GABBR2: variants seen among roughly 807,000 people sequenced by gnomAD.
GABBR2 encodes the protein gamma-aminobutyric acid type B receptor subunit 2, also known as G-protein coupled receptor 51.
Under a neutral mutation model 105.6 loss-of-function variants are expected in GABBR2, and 23 were observed. That is an observed-to-expected ratio of 0.22 (90% CI 0.16 to 0.31). GABBR2 has a LOEUF of 0.31. GABBR2 is among the 10% of genes least tolerant of loss of function. The probability of loss-of-function intolerance (pLI) is 1.00; values close to 1 mark genes in which losing one functional copy is unlikely to be tolerated. For synonymous variants in GABBR2, 478 were observed against 499.7 expected (o/e 0.96, Z 0.58); for missense variants, 734 against 1,245.5 (o/e 0.59, Z 6.18).
At chr9:98,515,112 C>T (rs370761307) in intron 3 of GABBR2, among the ~76,000 whole-genome samples, 181 of 152,266 alleles carry the variant, frequency 1.2e-3, no homozygotes, top group African/African-American at 4.0e-3. Context: ...GAGCTCCCCG[C>T]CATGACAGGT....
intron 4 of GABBR2, among the ~76,000 whole-genome samples, chr9:98,483,989 C>T (rs766791206): frequency 2.6e-5 from 4 of 152,172 alleles, no homozygotes; most frequent in Non-Finnish European, 5.9e-5. Flanking sequence ...GTGAATTAAT[C>T]CAGTGTGCAG....
intron 3 of GABBR2, among the ~76,000 whole-genome samples, chr9:98,512,956 T>C (rs1396794759): frequency 6.6e-6 from 1 of 151,826 alleles, no homozygotes; most frequent in East Asian, 1.9e-4. Flanking sequence ...AAGTCAATCC[T>C]AAGCCAAAAG....
At chr9:98,417,862 G>A (rs1218827775) in intron 7 of GABBR2, among the ~76,000 whole-genome samples, 1 of 152,158 alleles carries the variant, frequency 6.6e-6, no homozygotes, top group African/African-American at 2.4e-5. Context: ...GAATGACCAT[G>A]TTACCCAGGC....
chr9:98,562,843 G>C (rs28458297), intron 2 of GABBR2, among the ~76,000 whole-genome samples: 10,774 of 152,058 alleles, frequency 0.071, 779 homozygotes, highest in African/African-American at 0.18. Context: ...GCCTAGGTGA[G>C]AGGATCACTT....
chr9:98,566,251 AC>A (rs1334102286), intron 2 of GABBR2, among the ~76,000 whole-genome samples: 1 of 152,118 alleles, frequency 6.6e-6, no homozygotes, highest in East Asian at 1.9e-4. Flanking sequence ...TTTGTATTTT[AC>A]CAAGTTTCCA....
At position 98,385,707 on chromosome 9, in the gene GABBR2, G is replaced by T; in HGVS notation, c.1595C>A (p.Ala532Asp). 6.2e-7 allele frequency: 1 copy of T among 1,605,604 alleles called. No individual in the cohort carries two copies. The highest frequency in any genetic ancestry group is 8.5e-7 in the Non-Finnish European group (1 of 1,172,188). ...ATCAAGGCCAAAGAGAAATATGGAA[G>T]CATAGGAGAGCATCCCTCCAAGGAT... ...LIILGGMLSY[A>D]SIFLFGLDGS... The change falls in exon 11 of 19, where the codon GCT becomes GAT. Residue 532 changes from alanine to aspartate, a missense_variant. Physicochemically the swap from Ala to Asp is moderately radical, Grantham distance 126. Around this residue, in one of 7 missense-constraint regions of GABBR2, gnomAD observed 370 missense variants for 648.9 expected, o/e 0.57. Coordinates refer to ENST00000259455, the MANE Select transcript of GABBR2 (RefSeq NM_005458.8).
At chr9:98,505,719 G>C (rs571172903) in intron 3 of GABBR2, among the ~76,000 whole-genome samples, 1 of 152,282 alleles carries the variant, frequency 6.6e-6, no homozygotes, top group South Asian at 2.1e-4. Context: ...TCCACGTGAA[G>C]ACAGAGGCAG....
intron 1 of GABBR2, among the ~76,000 whole-genome samples, chr9:98,582,371 T>C (rs1240884813): frequency 6.6e-6 from 1 of 152,218 alleles, no homozygotes; most frequent in Non-Finnish European, 1.5e-5. Context: ...AACTGAACTC[T>C]GCCAATAACC....
At chr9:98,692,671 A>G (rs966389256) in intron 1 of GABBR2, among the ~76,000 whole-genome samples, 9 of 152,228 alleles carry the variant, frequency 5.9e-5, no homozygotes, top group African/African-American at 2.2e-4. Flanking sequence ...AGTCGGGCCA[A>G]CTTAGACTCG....
At position 98,344,548 on chromosome 9, in the gene GABBR2, GA is replaced by G. The variant is rs531859105; in HGVS notation, c.1893+18166del. Among the ~76,000 whole-genome samples, 1,344 of 152,198 alleles carry G rather than the reference GA, an allele frequency of 8.8e-3. 20 individuals are homozygous for G. The highest frequency in any genetic ancestry group is 0.01 in the Middle Eastern group (3 of 294). On this transcript the variant is annotated intron_variant, in intron 13 of 18. Coordinates refer to ENST00000259455, the MANE Select transcript of GABBR2 (RefSeq NM_005458.8). ...CCTCAGTCTGGGGCATTTGTCTCTG[GA>G]GCCCTCACTCTCCCTTTTCAAATTC...
At chr9:98,643,165 A>G (rs1829988925) in intron 1 of GABBR2, among the ~76,000 whole-genome samples, 1 of 152,300 alleles carries the variant, frequency 6.6e-6, no homozygotes, top group African/African-American at 2.4e-5. Flanking sequence ...CCCACTGGGC[A>G]CTCGGAGGGG....
chr9:98,427,650 C>T (rs1825722068), intron 7 of GABBR2, among the ~76,000 whole-genome samples: 1 of 152,188 alleles, frequency 6.6e-6, no homozygotes, highest in African/African-American at 2.4e-5. Context: ...GCAGTGTGTA[C>T]TTTCCAAGAG....
At chr9:98,467,296 A>G (rs1826579035) in intron 6 of GABBR2, among the ~76,000 whole-genome samples, 1 of 152,190 alleles carries the variant, frequency 6.6e-6, no homozygotes, top group South Asian at 2.1e-4. Context: ...AGAGTCACCC[A>G]GTTGGGAAGT....
chr9:98,639,296 C>T (rs1033100311), intron 1 of GABBR2, among the ~76,000 whole-genome samples: 2 of 152,186 alleles, frequency 1.3e-5, no homozygotes, highest in African/African-American at 4.8e-5. Flanking sequence ...GATGGGCCAG[C>T]AATCATGACA....
intron 1 of GABBR2, among the ~76,000 whole-genome samples, chr9:98,642,394 T>C (rs993109359): frequency 2.0e-5 from 3 of 152,242 alleles, no homozygotes; most frequent in African/African-American, 7.2e-5. Flanking sequence ...CAGCAGTCTC[T>C]ATGCCTCTTC....
Position 98,322,355 on chromosome 9 carries a change from C to T in GABBR2, c.1894-11150G>A, listed in dbSNP as rs546255166. Reference sequence around the variant, plus strand: ...CCACCCTGGCTCCAACATCCAGCCGCCTGTCACATGCAGGTGAATGCACCT... The same window carrying T: ...CCACCCTGGCTCCAACATCCAGCCGTCTGTCACATGCAGGTGAATGCACCT... On this transcript the variant is annotated intron_variant, in intron 13 of 18. Coordinates refer to ENST00000259455, the MANE Select transcript of GABBR2 (RefSeq NM_005458.8). Among the ~76,000 whole-genome samples, 5 of 152,234 alleles carry T rather than the reference C, an allele frequency of 3.3e-5. No individual in the cohort carries two copies. In the South Asian group the frequency reaches 1.0e-3, roughly 32 times the overall value.
At chr9:98,398,547 C>T (rs1380415430) in intron 8 of GABBR2, among the ~76,000 whole-genome samples, 3 of 152,120 alleles carry the variant, frequency 2.0e-5, no homozygotes, top group Non-Finnish European at 4.4e-5. Context: ...AAGCTAAAAC[C>T]TGCTCTGTGT....
At chr9:98,678,031 GCACGCAAGCTCT>G (rs1393481505) in intron 1 of GABBR2, among the ~76,000 whole-genome samples, 2 of 152,002 alleles carry the variant, frequency 1.3e-5, no homozygotes, top group African/African-American at 4.8e-5. Flanking sequence ...TCCTTTATCA[GCACGCAAGCTCT>G]CTGGACGGAA....
rs1287466414 is a variant in GABBR2, at chr9:98,706,075, T to G, written c.321+2342A>C. On this transcript the variant is annotated intron_variant, in intron 1 of 18. Coordinates refer to ENST00000259455, the MANE Select transcript of GABBR2 (RefSeq NM_005458.8). The stretch of plus-strand genomic sequence containing the variant: ...TGGGCAACAAGAGCAAAACTCTATC[T>G]CAAAAAAACAAAAACAAAACAAAAC... 6.9e-5 allele frequency among the ~76,000 whole-genome samples: 9 copies of G among 130,402 alleles called. No homozygotes were observed. The Admixed American group carries it at 7.3e-4, about 11-fold the overall frequency. 85.5% of individuals were successfully genotyped at this position (130,402 alleles called of 152,430 possible). A position where few individuals can be genotyped will look rare whatever the true frequency, so the allele number is the denominator to read the frequency against.
Sources: gnomAD v4.1 joint callset for allele counts (sites outside exome capture counted in the v4.1 genomes callset) on GRCh38, gnomAD v4.1.1 for gene constraint, gnomAD v4.1.1 regional missense constraint, MANE v1.5 for transcripts, NCBI Gene and HGNC (gene_info 2026-07-23, HGNC 2026-07-21) for gene names.